ATG7: variants seen among roughly 807,000 people sequenced by gnomAD.
ATG7 encodes the protein ubiquitin-like modifier-activating enzyme ATG7.
Under a neutral mutation model 82.4 loss-of-function variants are expected in ATG7, and 70 were observed. That is an observed-to-expected ratio of 0.85 (90% CI 0.70 to 1.04). ATG7 has a LOEUF of 1.04. ATG7 is among the 50% of genes least tolerant of loss of function. The probability of loss-of-function intolerance (pLI) is 0.00; values close to 1 mark genes in which losing one functional copy is unlikely to be tolerated. For missense variants in ATG7, 792 were observed against 864.3 expected, an observed-to-expected ratio of 0.92 and a Z score of 1.05; for synonymous variants, 287 against 313.0, an observed-to-expected ratio of 0.92 and a Z score of 0.88.
intron 5 of ATG7, among the ~76,000 whole-genome samples, chr3:11,306,382 G>T (rs1947739501): frequency 6.6e-6 from 1 of 152,180 alleles, no homozygotes; most frequent in African/African-American, 2.4e-5. Flanking sequence ...ATTATGCTGA[G>T]TTTTATGTGC....
intron 20 of ATG7, among the ~76,000 whole-genome samples, chr3:11,522,056 A>G (rs1374900140): frequency 6.6e-6 from 1 of 152,228 alleles, no homozygotes; most frequent in Non-Finnish European, 1.5e-5. Flanking sequence ...TAGAGTATTA[A>G]GGGACTTGCC....
intron 19 of ATG7, among the ~76,000 whole-genome samples, chr3:11,402,466 G>GC (rs1317631521): frequency 6.6e-6 from 1 of 152,120 alleles, no homozygotes; most frequent in East Asian, 1.9e-4. Context: ...TACTGGATAA[G>GC]CTAGGGGCTG....
At chr3:11,303,676 A>T (rs527784230) in intron 5 of ATG7, among the ~76,000 whole-genome samples, 2 of 151,768 alleles carry the variant, frequency 1.3e-5, no homozygotes, top group Non-Finnish European at 2.9e-5. Flanking sequence ...TCTAAAAAAA[A>T]AAAAAGAATT....
At chr3:11,515,513 A>G (rs1441238747) in intron 20 of ATG7, among the ~76,000 whole-genome samples, 1 of 152,170 alleles carries the variant, frequency 6.6e-6, no homozygotes, top group Non-Finnish European at 1.5e-5. Flanking sequence ...TGTGTTGGCC[A>G]GGCTGGTCTT....
chr3:11,378,685 C>CAAAAAAAAAAAAAAAA (rs368506515), intron 18 of ATG7, among the ~76,000 whole-genome samples: 5 of 78,936 alleles, frequency 6.3e-5, no homozygotes, highest in African/African-American at 2.8e-4. Flanking sequence ...ACTCCATCTC[C>CAAAAAAAAAAAAAAAA]AAAAAAAAAA....
chr3:11,511,901 A>G (rs1444438811), intron 20 of ATG7, among the ~76,000 whole-genome samples: 1 of 151,878 alleles, frequency 6.6e-6, no homozygotes, highest in Non-Finnish European at 1.5e-5. Flanking sequence ...TGCGGGGCCC[A>G]CCAAGCCCAC....
the ATG7 span, among the ~76,000 whole-genome samples, chr3:11,570,070 C>T: frequency 6.6e-6 from 1 of 152,108 alleles, no homozygotes; most frequent in African/African-American, 2.4e-5. Context: ...CCAACCTTTA[C>T]CTGCTGCCCC....
chr3:11,299,294 A>C, intron 4 of ATG7, 68 bp from the exon 5 acceptor site: 3 of 1,476,526 alleles, frequency 2.0e-6, no homozygotes, highest in Non-Finnish European at 2.8e-6. Flanking sequence ...AACTATTCAT[A>C]AGCATTTTTG....
intron 1 of ATG7, among the ~76,000 whole-genome samples, chr3:11,277,895 C>CCT (rs897301212): frequency 1.6e-5 from 2 of 126,550 alleles, no homozygotes; most frequent in African/African-American, 6.0e-5. Flanking sequence ...TTATAGACCC[C>CCT]CCCCCCCCCA....
In ATG7 at chr3:11,478,989, A is replaced by AACACACACAAACACACACAC. The variant is rs766632953; in HGVS notation, c.2079+52072_2079+52073insAACACACACACACACACACA. Reference sequence around the variant, plus strand: ...TTTGAATATGTGCCTGTATATTTACAACACACACACACACACACACACACA... The same window carrying AACACACACAAACACACACAC: ...TTTGAATATGTGCCTGTATATTTACAACACACACAAACACACACACACACACACACACACACACACACACA... On this transcript the variant is annotated intron_variant, in intron 20 of 20. Coordinates refer to ENST00000693202, the MANE Select transcript of ATG7 (RefSeq NM_001349232.2). Among the ~76,000 whole-genome samples the AACACACACAAACACACACAC allele has an allele frequency of 5.0e-3, 364 of 73,106 alleles. 12 individuals carry two copies. The highest frequency in any genetic ancestry group is 6.8e-3 in the Non-Finnish European group (280 of 41,276). 48.0% of individuals were successfully genotyped at this position (73,106 alleles called of 152,430 possible).
rs561583704 is a variant in ATG7 at position 11,282,760 on chromosome 3, C to A, written c.-11+322C>A. 1.6e-4 allele frequency among the ~76,000 whole-genome samples: 25 copies of A among 152,304 alleles called. No individual in the cohort carries two copies. In the South Asian group the frequency reaches 5.0e-3, roughly 30 times the overall value. Reference sequence around the variant, plus strand: ...GGCTTTAAACCTCCCTCTTTAACAGCCTTGCAGATTGTTTCTGAAACTCAT... The same window carrying A: ...GGCTTTAAACCTCCCTCTTTAACAGACTTGCAGATTGTTTCTGAAACTCAT... On this transcript the variant is annotated intron_variant, in intron 3 of 20. Transcript: ENST00000693202.
intron 20 of ATG7, among the ~76,000 whole-genome samples, chr3:11,471,188 T>A (rs1283952374): frequency 6.6e-6 from 1 of 152,150 alleles, no homozygotes; most frequent in African/African-American, 2.4e-5. Flanking sequence ...GGCTAGCCTT[T>A]GCTTCAGAAT....
intron 20 of ATG7, among the ~76,000 whole-genome samples, chr3:11,427,437 T>C (rs2082458077): frequency 1.3e-5 from 2 of 152,044 alleles, no homozygotes; most frequent in African/African-American, 4.8e-5. Flanking sequence ...AGAGTTATGC[T>C]TTGTTTCTCA....
chr3:11,436,866 T>C (rs758683487), intron 20 of ATG7, among the ~76,000 whole-genome samples: 6 of 152,176 alleles, frequency 3.9e-5, no homozygotes, highest in Non-Finnish European at 5.9e-5. Flanking sequence ...TTAAAGTCCA[T>C]ATAGTCAAGA....
chr3:11,528,076 G>A (rs1043277748), intron 20 of ATG7, among the ~76,000 whole-genome samples: 2 of 152,282 alleles, frequency 1.3e-5, no homozygotes, highest in Admixed American at 1.3e-4. Context: ...GCCTTCTGTT[G>A]CCTTCTCATG....
intron 20 of ATG7, among the ~76,000 whole-genome samples, chr3:11,447,116 C>T (rs140599190): frequency 6.6e-6 from 1 of 152,184 alleles, no homozygotes; most frequent in South Asian, 2.1e-4. Context: ...TGTAGCCATC[C>T]ATACCCTGGT....
chr3:11,519,745 T>C (rs577837298), intron 20 of ATG7, among the ~76,000 whole-genome samples: 7 of 151,680 alleles, frequency 4.6e-5, no homozygotes, highest in Non-Finnish European at 1.0e-4. Flanking sequence ...GCATTTTTAG[T>C]AGAGACGGGG....
At chr3:11,331,190 TTTC>T (rs1308607081) in intron 9 of ATG7, 147 bp from the exon 10 acceptor site, 2 of 671,292 alleles carry the variant, frequency 3.0e-6, no homozygotes, top group Non-Finnish European at 5.2e-6. Flanking sequence ...ATCCTGTGGC[TTTC>T]TTCTCCTCCC....
chr3:11,273,235 G>A (rs934082555), intron 1 of ATG7, among the ~76,000 whole-genome samples: 4 of 152,184 alleles, frequency 2.6e-5, no homozygotes, highest in Admixed American at 6.5e-5. Flanking sequence ...TGTCAGTTTG[G>A]GACCTCTGGA....
Sources: allele counts gnomAD v4.1 joint callset (sites outside exome capture counted in the v4.1 genomes callset), GRCh38; gene constraint gnomAD v4.1.1; transcripts MANE v1.5; gene names NCBI Gene and HGNC (gene_info 2026-07-23, HGNC 2026-07-21).